The following HECW2 variants were observed in gnomAD, a reference collection of about 807,000 sequenced individuals.
The protein encoded by HECW2 is HECT, C2 and WW domain containing E3 ubiquitin protein ligase 2, also known as E3 ubiquitin-protein ligase HECW2.
Under a neutral mutation model 175.2 loss-of-function variants are expected in HECW2, and 61 were observed. That is an observed-to-expected ratio of 0.35 (90% CI 0.28 to 0.43). The LOEUF (loss-of-function observed/expected upper bound fraction) is 0.43, where lower values mean the gene tolerates loss of function less well. HECW2 is among the 20% of genes least tolerant of loss of function. HECW2 has a pLI of 1.00. For synonymous variants in HECW2, 671 were observed against 731.0 expected, an observed-to-expected ratio of 0.92 and a Z score of 1.32; for missense variants, 1,524 against 2,000.5, an observed-to-expected ratio of 0.76 and a Z score of 4.54.
intron 21 of HECW2, among the ~76,000 whole-genome samples, 164 bp from the exon 22 acceptor site, chr2:196,228,418 T>C (rs774945424): frequency 6.6e-6 from 1 of 152,224 alleles, no homozygotes; most frequent in African/African-American, 2.4e-5. Flanking sequence ...TCTGATCTCA[T>C]TGTGTCTTGA....
intron 1 of HECW2, among the ~76,000 whole-genome samples, chr2:196,494,187 T>G (rs1242055754): frequency 1.3e-5 from 2 of 151,822 alleles, no homozygotes; most frequent in Non-Finnish European, 2.9e-5. Context: ...ATGCCAAGAG[T>G]GTAGCAGTGG....
chr2:196,416,916 T>A (rs1695271311), intron 2 of HECW2, among the ~76,000 whole-genome samples: 1 of 152,244 alleles, frequency 6.6e-6, no homozygotes. Flanking sequence ...ATTGCTTTCC[T>A]AAGGAGTTTT....
intron 1 of HECW2, among the ~76,000 whole-genome samples, chr2:196,500,621 C>T (rs1231256653): frequency 6.6e-6 from 1 of 152,158 alleles, no homozygotes; most frequent in Non-Finnish European, 1.5e-5. Flanking sequence ...TAAACTAGCT[C>T]AATTAACACC....
At chr2:196,486,492 AT>A (rs1411132739) in intron 1 of HECW2, among the ~76,000 whole-genome samples, 1 of 152,170 alleles carries the variant, frequency 6.6e-6, no homozygotes, top group African/African-American at 2.4e-5. Context: ...CCTCAAGCCC[AT>A]GCATTATTCC....
intron 23 of HECW2, among the ~76,000 whole-genome samples, chr2:196,224,384 G>T (rs918800057): frequency 6.6e-6 from 1 of 152,076 alleles, no homozygotes; most frequent in African/African-American, 2.4e-5. Flanking sequence ...TACAGATTTG[G>T]GAGTCAGAGG....
intron 24 of HECW2, 130 bp downstream of exon 24, chr2:196,222,081 G>A (rs1386565915): frequency 5.6e-6 from 4 of 710,590 alleles, no homozygotes; most frequent in Non-Finnish European, 9.0e-6. Context: ...AACTGTGTGT[G>A]ATCCTGAGTT....
chr2:196,356,632 C>G lies in HECW2; in HGVS notation c.293-12868G>C, dbSNP rs1693378547. Among the ~76,000 whole-genome samples, 6 of 151,966 alleles carry G rather than the reference C, an allele frequency of 3.9e-5. No homozygotes were observed. The South Asian group carries it at 1.2e-3, about 32-fold the overall frequency. On this transcript the variant is annotated intron_variant, in intron 2 of 28. Coordinates refer to ENST00000644978, the MANE Select transcript of HECW2 (RefSeq NM_001348768.2). ...GGCATTTTGTCATCTTGCATCATCA[C>G]AAAAAGAAGAAGAAGGGTGAGTACA...
At chr2:196,212,083 C>T (rs925655929) in intron 28 of HECW2, among the ~76,000 whole-genome samples, 15 of 152,110 alleles carry the variant, frequency 9.9e-5, no homozygotes, top group Non-Finnish European at 1.6e-4. Context: ...GCAATCCGTC[C>T]GCCTTGGCCT....
At chr2:196,590,218 C>T (rs1387167746) in intron 1 of HECW2, among the ~76,000 whole-genome samples, 4 of 151,992 alleles carry the variant, frequency 2.6e-5, no homozygotes, top group Non-Finnish European at 5.9e-5. Context: ...TAAGATAAAC[C>T]AACAGGAGTA....
intron 1 of HECW2, among the ~76,000 whole-genome samples, chr2:196,491,456 G>T (rs1169950852): frequency 8.1e-6 from 1 of 122,966 alleles, no homozygotes; most frequent in African/African-American, 3.1e-5. Context: ...TACACACTTA[G>T]GTATATTAGG....
chr2:196,310,271 G>C (rs1559030104), intron 10 of HECW2, among the ~76,000 whole-genome samples: 1 of 152,148 alleles, frequency 6.6e-6, no homozygotes, highest in Admixed American at 6.5e-5. Flanking sequence ...ATGGAACACT[G>C]AACACATATT....
chr2:196,225,405 G>T (rs532643819), intron 23 of HECW2, among the ~76,000 whole-genome samples: 9 of 152,154 alleles, frequency 5.9e-5, no homozygotes, highest in Non-Finnish European at 1.0e-4. Context: ...AGGAGAGGGG[G>T]GCTGTGAGTC....
chr2:196,355,343 T>C (rs1693324953), intron 2 of HECW2, among the ~76,000 whole-genome samples: 1 of 152,230 alleles, frequency 6.6e-6, no homozygotes. Flanking sequence ...ACCCGAACCC[T>C]TTTAAATGGT....
chr2:196,289,946 T>C (rs1204420523), intron 14 of HECW2: 4 of 152,226 alleles, frequency 2.6e-5, no homozygotes, highest in Non-Finnish European at 5.9e-5. Context: ...GAGATAAATC[T>C]GCTTTAGTTA....
At chr2:196,369,861 C>T (rs1247536263) in intron 2 of HECW2, among the ~76,000 whole-genome samples, 5 of 152,040 alleles carry the variant, frequency 3.3e-5, no homozygotes, top group African/African-American at 1.2e-4. Flanking sequence ...TCAAGGCTTA[C>T]AAAGCTCTTT....
At chr2:196,469,531 T>C (rs1333171249) in intron 1 of HECW2, among the ~76,000 whole-genome samples, 2 of 151,982 alleles carry the variant, frequency 1.3e-5, no homozygotes, top group Non-Finnish European at 1.5e-5. Context: ...TCATAATATA[T>C]TTAAAAAATA....
intron 26 of HECW2, chr2:196,218,176 T>C (rs1687542876): frequency 6.6e-6 from 1 of 152,262 alleles, no homozygotes; most frequent in African/African-American, 2.4e-5. Flanking sequence ...TTAAAGTTTT[T>C]TGACCTTATG....
At chr2:196,263,186 T>C (rs952386437) in intron 17 of HECW2, 3 of 152,166 alleles carry the variant, frequency 2.0e-5, no homozygotes, top group Admixed American at 1.3e-4. Flanking sequence ...GAACCTAAAC[T>C]ATACAGCGAC....
chr2:196,510,715 T>C (rs749889724), intron 1 of HECW2, among the ~76,000 whole-genome samples: 28 of 152,328 alleles, frequency 1.8e-4, no homozygotes, highest in Non-Finnish European at 3.8e-4. Context: ...TTAGCTATCT[T>C]TTTATAATGG....
Sources: allele counts gnomAD v4.1 joint callset (sites outside exome capture counted in the v4.1 genomes callset), GRCh38; gene constraint gnomAD v4.1.1; transcripts MANE v1.5; gene names NCBI Gene and HGNC (gene_info 2026-07-23, HGNC 2026-07-21).